LZTFL1: variants seen among roughly 807,000 people sequenced by gnomAD.
The protein encoded by LZTFL1 is leucine zipper transcription factor-like protein 1.
Under a neutral mutation model 45.9 loss-of-function variants are expected in LZTFL1, and 25 were observed. The observed-to-expected ratio is 0.54, with a 90% confidence interval of 0.40 to 0.76. LZTFL1 has a LOEUF of 0.76. Ranked by LOEUF, LZTFL1 falls within the 30% of genes least tolerant of loss-of-function variation. The pLI, the probability that LZTFL1 is intolerant of heterozygous loss-of-function variation, is 0.00. For synonymous variants in LZTFL1, 93 were observed against 117.4 expected, an observed-to-expected ratio of 0.79 and a Z score of 1.35; for missense variants, 277 against 331.1, an observed-to-expected ratio of 0.84 and a Z score of 1.27.
Position 45,841,538 on chromosome 3 carries a change from G to A in LZTFL1, c.3+451C>T, listed in dbSNP as rs911080076. ...GCTCCTCTGGTTACCGCGCGCGCGC[G>A]TGTGTCTGTGTAAACCTTAGAGCTT... On this transcript the variant is annotated intron_variant, in intron 1 of 9. Transcript: ENST00000296135. Among the ~76,000 whole-genome samples, 4 of 151,990 alleles carry A rather than the reference G, an allele frequency of 2.6e-5. No homozygotes were observed. In the East Asian group the frequency reaches 7.7e-4, roughly 29 times the overall value.
rs78193063 is a variant in LZTFL1 at position 45,907,818 on chromosome 3, C to T, written c.-215+5302G>A. Among the ~76,000 whole-genome samples the T allele has an allele frequency of 5.4e-3, 830 of 152,306 alleles. 3 individuals carry two copies. The highest frequency in any genetic ancestry group is 9.2e-3 in the Non-Finnish European group (628 of 68,040). On this transcript the variant is annotated intron_variant, in intron 2 of 4. Transcript: ENST00000472635. ...TTGGACCCTCAGCAACAAGCAGCCA[C>T]GGACTGTGCGTGTTCTTGCTCACGT...
In LZTFL1 at chr3:45,900,968, C is replaced by T. The variant is rs769563630; in HGVS notation, c.-215+12152G>A. 1.1e-5 allele frequency: 18 copies of T among 1,614,056 alleles called. No homozygotes were observed. In the Admixed American group the frequency reaches 1.5e-4, roughly 13 times the overall value. ...CACCCTTGTACTGGCTCGTGTTCAT[C>T]GTGGGTGCCTTGGGCAACAGTCTTG... is the stretch of plus-strand genomic sequence containing the variant. On this transcript the variant is annotated intron_variant, in intron 2 of 4. Coordinates refer to the LZTFL1 transcript ENST00000472635. This position sits in a 1 kb window ranked among gnomAD's most constrained non-coding sequence, Gnocchi z 4.7.
chr3:45,880,400 G>A lies in LZTFL1; in HGVS notation c.-214-21384C>T, dbSNP rs959519980. ...ACCTGTAATCCCAGCTACTCAGGAA[G>A]CTGAGACAGGAGAATCACTTGAACC... On this transcript the variant is annotated intron_variant, in intron 2 of 4. Transcript: ENST00000472635. Among the ~76,000 whole-genome samples, 3 of 152,096 alleles carry A rather than the reference G, an allele frequency of 2.0e-5. 1 individual carries two copies. Among genetic ancestry groups the A allele is most frequent in the African/African-American group, 7.2e-5 (3 of 41,384 alleles).
intron 2 of LZTFL1, among the ~76,000 whole-genome samples, chr3:45,877,825 A>C (rs1575284037): frequency 1.3e-5 from 2 of 149,798 alleles, no homozygotes; most frequent in Non-Finnish European, 3.0e-5. Context: ...GGCGCACTGC[A>C]ACCTCTGCCT....
intron 7 of LZTFL1, among the ~76,000 whole-genome samples, chr3:45,829,044 CA>C (rs1328680872): frequency 6.6e-6 from 1 of 152,028 alleles, no homozygotes; most frequent in Non-Finnish European, 1.5e-5. Context: ...ACTTAATAGA[CA>C]TATGTTTTAG....
chr3:45,865,500 G>T (rs1379227193), intron 2 of LZTFL1, among the ~76,000 whole-genome samples: 1 of 152,238 alleles, frequency 6.6e-6, no homozygotes, highest in East Asian at 1.9e-4. Flanking sequence ...CTCTTGCAAA[G>T]AAAAGATGAA....
intron 2 of LZTFL1, among the ~76,000 whole-genome samples, chr3:45,897,263 C>T (rs1001839341): frequency 6.6e-6 from 1 of 152,146 alleles, no homozygotes; most frequent in Admixed American, 6.5e-5. Flanking sequence ...GGATTCCTCT[C>T]GTGGTCCTGA....
intron 2 of LZTFL1, among the ~76,000 whole-genome samples, chr3:45,869,205 T>C (rs1250922589): frequency 6.6e-6 from 1 of 152,136 alleles, no homozygotes; most frequent in Non-Finnish European, 1.5e-5. Context: ...TGGAGGACCA[T>C]GGATAAAGGC....
intron 2 of LZTFL1, among the ~76,000 whole-genome samples, chr3:45,912,742 C>G (rs1179153109): frequency 6.6e-6 from 1 of 152,198 alleles, no homozygotes; most frequent in Admixed American, 6.5e-5. Context: ...AGCCTCAATG[C>G]GTAGCTGACC....
intron 2 of LZTFL1, among the ~76,000 whole-genome samples, chr3:45,862,557 C>T (rs1257730434): frequency 3.3e-5 from 5 of 152,360 alleles, no homozygotes; most frequent in African/African-American, 7.2e-5. Flanking sequence ...CACCAACCCT[C>T]GCGGGGAAAC....
chr3:45,893,784 T>TA (rs370634412), intron 2 of LZTFL1, among the ~76,000 whole-genome samples: 184 of 152,334 alleles, frequency 1.2e-3, no homozygotes, highest in African/African-American at 4.1e-3. Flanking sequence ...GACATATACT[T>TA]ACAATTTTCT....
At chr3:45,889,758 AC>A (rs1389405364) in intron 2 of LZTFL1, among the ~76,000 whole-genome samples, 1 of 150,382 alleles carries the variant, frequency 6.6e-6, no homozygotes, top group African/African-American at 2.5e-5. Flanking sequence ...AGTCTTGAGG[AC>A]CTCTTTTCTA....
Position 45,901,447 on chromosome 3 carries a change from T to G in LZTFL1, c.-215+11673A>C, listed in dbSNP as rs1318849770. 3 of 1,614,174 alleles carry G rather than the reference T, an allele frequency of 1.9e-6. No homozygotes were observed. The highest frequency in any genetic ancestry group is 1.3e-5 in the African/African-American group (1 of 75,040). On this transcript the variant is annotated intron_variant, in intron 2 of 4. Transcript: ENST00000472635. The surrounding 1 kb of genome is among the most constrained non-coding windows in gnomAD (Gnocchi z 4.3). The stretch of plus-strand genomic sequence containing the variant: ...TCAGCTGTCTTGACCCTGAAGGTCA[T>G]TCTGGGGTTCTTCCTTCCCTTCGTG...
intron 2 of LZTFL1, among the ~76,000 whole-genome samples, chr3:45,894,128 T>C (rs1702274789): frequency 1.3e-5 from 2 of 152,230 alleles, no homozygotes; most frequent in Non-Finnish European, 2.9e-5. Context: ...CTGTTGTTTC[T>C]TTGGTTATGT....
Position 45,906,420 on chromosome 3 carries a change from C to T in LZTFL1, c.-215+6700G>A, listed in dbSNP as rs573891212. Among the ~76,000 whole-genome samples, 4 of 152,286 alleles carry T rather than the reference C, an allele frequency of 2.6e-5. No individual in the cohort carries two copies. In the South Asian group the frequency reaches 8.3e-4, roughly 32 times the overall value. ...CTGAGCCCATGCAGTTAGTAATTGG[C>T]TTTGTCTGACATGGTCAGACAAACC... On this transcript the variant is annotated intron_variant, in intron 2 of 4. Coordinates refer to the LZTFL1 transcript ENST00000472635.
exon 1 of LZTFL1, chr3:45,915,433 C>T (rs892253249): frequency 6.5e-5 from 29 of 445,956 alleles, no homozygotes; most frequent in Non-Finnish European, 9.5e-5. Flanking sequence ...GGAAGACGGA[C>T]GTTTTGGCCT....
rs139730151 is a variant in LZTFL1 at position 45,880,105 on chromosome 3, A to T, written c.-214-21089T>A. On this transcript the variant is annotated intron_variant, in intron 2 of 4. Coordinates refer to the LZTFL1 transcript ENST00000472635. Reference sequence around the variant, plus strand: ...ATCCTGCGGTGGCCTAGGCCAGCCCAGCCAAGGCAAGGCTCTCATTTAGAC... The same window carrying T: ...ATCCTGCGGTGGCCTAGGCCAGCCCTGCCAAGGCAAGGCTCTCATTTAGAC... 4.7e-3 allele frequency among the ~76,000 whole-genome samples: 712 copies of T among 152,340 alleles called. 4 individuals are homozygous for T. The highest frequency in any genetic ancestry group is 0.016 in the African/African-American group (655 of 41,580).
chr3:45,848,419 T>C (rs1254413018), intron 4 of LZTFL1, among the ~76,000 whole-genome samples: 2 of 152,250 alleles, frequency 1.3e-5, no homozygotes, highest in African/African-American at 4.8e-5. Flanking sequence ...TGACACTTTG[T>C]ATGGATCCCA....
At position 45,826,230 on chromosome 3, in the gene LZTFL1, G is replaced by T; in HGVS notation, c.*84C>A. ...TTAGAAAAATAAGGAGAGGGGATAT[G>T]ACAAAATGCTTTTCAAAATACATGC... On this transcript the variant is annotated 3_prime_UTR_variant, in exon 10 of 10. Coordinates refer to ENST00000296135, the MANE Select transcript of LZTFL1 (RefSeq NM_020347.4). The T allele has an allele frequency of 8.3e-7, 1 of 1,207,230 alleles. No individual in the cohort carries two copies. 74.8% of individuals were successfully genotyped at this position (1,207,230 alleles called of 1,614,324 possible).
Sources: gnomAD v4.1 joint callset for allele counts (sites outside exome capture counted in the v4.1 genomes callset) on GRCh38, gnomAD v4.1.1 for gene constraint, Gnocchi (gnomAD v3.1) non-coding constraint, MANE v1.5 for transcripts, NCBI Gene and HGNC (gene_info 2026-07-23, HGNC 2026-07-21) for gene names.